PCBP3: variants seen among roughly 807,000 people sequenced by gnomAD.
PCBP3 encodes poly(rC)-binding protein 3.
In PCBP3, 25 loss-of-function variants were observed where a neutral mutation model predicts 52.7. The observed-to-expected ratio is 0.47, with a 90% CI of 0.35 to 0.66. The LOEUF (loss-of-function observed/expected upper bound fraction) is 0.66, where lower values mean the gene tolerates loss of function less well. PCBP3 is among the 30% of genes least tolerant of loss of function. The probability of loss-of-function intolerance (pLI) is 0.01; values close to 1 mark genes in which losing one functional copy is unlikely to be tolerated. For missense variants in PCBP3, 391 were observed against 490.3 expected, an observed-to-expected ratio of 0.80 and a Z score of 1.91; for synonymous variants, 162 against 183.0, an observed-to-expected ratio of 0.89 and a Z score of 0.93.
chr21:45,689,837 A>C (rs1336026832), intron 2 of PCBP3, among the ~76,000 whole-genome samples: 2 of 152,142 alleles, frequency 1.3e-5, no homozygotes, highest in African/African-American at 4.8e-5. Flanking sequence ...GTATACTGGA[A>C]ATTTCAAAAC....
intron 9 of PCBP3, among the ~76,000 whole-genome samples, chr21:45,905,762 G>A (rs1287833955): frequency 3.3e-5 from 5 of 152,186 alleles, no homozygotes; most frequent in African/African-American, 9.7e-5. Flanking sequence ...AGGGTCTACT[G>A]TAGGGACCCC....
At chr21:45,797,389 T>C (rs369696871) in intron 4 of PCBP3, among the ~76,000 whole-genome samples, 10 of 3,092 alleles carry the variant, frequency 3.2e-3, no homozygotes, top group South Asian at 0.015. Context: ...CATGGATAGT[T>C]GAGTGCGTGG....
chr21:45,928,152 G>A lies in PCBP3; in HGVS notation c.718-1765G>A, dbSNP rs1459134840. On this transcript the variant is annotated intron_variant, in intron 13 of 17. Coordinates refer to ENST00000681687, the MANE Select transcript of PCBP3 (RefSeq NM_001384156.1). This position sits in a 1 kb window ranked among gnomAD's most constrained non-coding sequence, Gnocchi z 4.1. The stretch of plus-strand genomic sequence containing the variant: ...CTGCTTCCTCCTCCTGCCCCCGCAG[G>A]GCCTCGTGTATCTCCGGGAGGTAGA... Among the ~76,000 whole-genome samples the A allele has an allele frequency of 6.6e-6, 1 of 152,228 alleles. No individual in the cohort carries two copies. The highest frequency in any genetic ancestry group is 1.9e-4 in the East Asian group (1 of 5,194).
chr21:45,883,151 ACCCTTGGATTGTTC>A (rs2095441275), intron 5 of PCBP3, among the ~76,000 whole-genome samples: 1 of 151,830 alleles, frequency 6.6e-6, no homozygotes, highest in Non-Finnish European at 1.5e-5. Context: ...TCCCTCTTTG[ACCCTTGGATTGTTC>A]ATATATGTGT....
intron 4 of PCBP3, among the ~76,000 whole-genome samples, chr21:45,783,778 C>T (rs1457507198): frequency 1.3e-5 from 2 of 152,154 alleles, no homozygotes; most frequent in Non-Finnish European, 2.9e-5. Flanking sequence ...AGTAAAAGAA[C>T]CAAAACCAGC....
At chr21:45,792,172 C>A (rs576045381) in intron 4 of PCBP3, among the ~76,000 whole-genome samples, 95 of 152,402 alleles carry the variant, frequency 6.2e-4, no homozygotes, top group Non-Finnish European at 1.1e-3. Context: ...ATCTTACCAA[C>A]TAGAACTTTA....
At chr21:45,669,442 C>T (rs1036458557) in intron 2 of PCBP3, among the ~76,000 whole-genome samples, 1 of 152,128 alleles carries the variant, frequency 6.6e-6, no homozygotes, top group African/African-American at 2.4e-5. Flanking sequence ...ACATATATAA[C>T]ATAAAATTTG....
At position 45,935,250 on chromosome 21, in the gene PCBP3, C is replaced by T. The variant is rs370871313; in HGVS notation, c.857-3C>T. ...CCTAACCATGTCCCCTTGGTATACC[C>T]AGGTCTGGACGCCAGCCCACCGGCC... On this transcript the variant is annotated splice_region_variant and splice_polypyrimidine_tract_variant and intron_variant, in intron 15 of 17. Coordinates refer to ENST00000681687, the MANE Select transcript of PCBP3 (RefSeq NM_001384156.1). 14 of 1,609,956 alleles carry T rather than the reference C, an allele frequency of 8.7e-6. No homozygotes were observed. In the African/African-American group the frequency reaches 1.7e-4, roughly 20 times the overall value.
At chr21:45,665,419 A>G (rs988564380) in intron 1 of PCBP3, among the ~76,000 whole-genome samples, 8 of 152,006 alleles carry the variant, frequency 5.3e-5, no homozygotes, top group African/African-American at 1.9e-4. Context: ...AAAAAAAAAG[A>G]AGTGCTACTG....
At chr21:45,775,564 G>A (rs2090191318) in intron 4 of PCBP3, among the ~76,000 whole-genome samples, 1 of 152,012 alleles carries the variant, frequency 6.6e-6, no homozygotes, top group African/African-American at 2.4e-5. Context: ...CTACAGATGG[G>A]TACCACCACT....
At chr21:45,767,991 G>A (rs1310046310) in intron 4 of PCBP3, among the ~76,000 whole-genome samples, 1 of 152,276 alleles carries the variant, frequency 6.6e-6, no homozygotes, top group Non-Finnish European at 1.5e-5. Context: ...AAGGATGCCT[G>A]TAGTTTTAGG....
chr21:45,884,484 CAT>C (rs1027837174), intron 5 of PCBP3, among the ~76,000 whole-genome samples: 4 of 152,142 alleles, frequency 2.6e-5, no homozygotes, highest in Non-Finnish European at 4.4e-5. Flanking sequence ...TGTATATACA[CAT>C]GTATACATAC....
rs201153587 is a variant in PCBP3, at chr21:45,940,234, G to A, written c.1079+35G>A. The stretch of plus-strand genomic sequence containing the variant: ...TCCCAAGGGTCTCTGAGAGACGCCC[G>A]GAAAGGGACGCGCCAGCCGGCGTTA... On this transcript the variant is annotated intron_variant, in intron 17 of 17. Coordinates refer to ENST00000681687, the MANE Select transcript of PCBP3 (RefSeq NM_001384156.1). 6.4e-5 allele frequency: 101 copies of A among 1,575,110 alleles called. No homozygotes were observed. The South Asian group carries it at 1.0e-3, about 16-fold the overall frequency.
intron 4 of PCBP3, among the ~76,000 whole-genome samples, chr21:45,770,180 C>T (rs562157377): frequency 6.0e-4 from 91 of 152,312 alleles, no homozygotes; most frequent in African/African-American, 2.2e-3. Context: ...CCTCCTCTCC[C>T]CTGAAGTCAA....
rs893529432 is a variant in PCBP3, at chr21:45,724,477, G to A, written c.-199-10915G>A. On this transcript the variant is annotated intron_variant, in intron 2 of 17. Coordinates refer to ENST00000681687, the MANE Select transcript of PCBP3 (RefSeq NM_001384156.1). The surrounding 1 kb of genome is among the most constrained non-coding windows in gnomAD (Gnocchi z 5.3). ...GCCCCAGAAGCCAACACTGCATGTT[G>A]GAAGGAGTCCCAGCCCTGCCCCTGC... 9.9e-5 allele frequency among the ~76,000 whole-genome samples: 15 copies of A among 152,190 alleles called. No individual in the cohort carries two copies. Among genetic ancestry groups the A allele is most frequent in the African/African-American group, 2.7e-4 (11 of 41,448 alleles).
At chr21:45,790,938 G>A (rs1003002198) in intron 4 of PCBP3, among the ~76,000 whole-genome samples, 5 of 152,206 alleles carry the variant, frequency 3.3e-5, no homozygotes, top group Non-Finnish European at 7.3e-5. Context: ...AAGGAAGCCA[G>A]TTTTGAGAGT....
chr21:45,644,716 G>C (rs1333848901), intron 1 of PCBP3, among the ~76,000 whole-genome samples: 2 of 152,122 alleles, frequency 1.3e-5, no homozygotes, highest in Non-Finnish European at 2.9e-5. Flanking sequence ...CTTAGTTGTT[G>C]AGTGTTTGTA....
intron 3 of PCBP3, among the ~76,000 whole-genome samples, chr21:45,739,228 C>T (rs367545353): frequency 8.8e-5 from 12 of 136,744 alleles, no homozygotes; most frequent in East Asian, 7.4e-4. Flanking sequence ...GGGTGGCACC[C>T]CCCATCTTCA....
In PCBP3 at chr21:45,941,762, GCT is replaced by G. The variant is rs1256461393; in HGVS notation, c.*60_*61del. The G allele has an allele frequency of 6.9e-7, 1 of 1,459,438 alleles. No individual in the cohort carries two copies. Among genetic ancestry groups the G allele is most frequent in the African/African-American group, 1.4e-5 (1 of 71,258 alleles). 90.4% of individuals were successfully genotyped at this position (1,459,438 alleles called of 1,614,324 possible). A position where few individuals can be genotyped will look rare whatever the true frequency, so the allele number is the denominator to read the frequency against. ...CACCTGCCAGAGCCTAAGGCCCCCG[GCT>G]CTCGCACTCTGTACAGCCCACCTTC... On this transcript the variant is annotated 3_prime_UTR_variant, in exon 18 of 18. Coordinates refer to ENST00000681687, the MANE Select transcript of PCBP3 (RefSeq NM_001384156.1).
Sources: gnomAD v4.1 joint callset for allele counts (sites outside exome capture counted in the v4.1 genomes callset) on GRCh38, gnomAD v4.1.1 for gene constraint, Gnocchi (gnomAD v3.1) non-coding constraint, MANE v1.5 for transcripts, NCBI Gene and HGNC (gene_info 2026-07-23, HGNC 2026-07-21) for gene names.